MOB2: variants seen among roughly 807,000 people sequenced by gnomAD.
MOB2 encodes MOB kinase activator 2.
MOB2 carries 14 observed loss-of-function variants against 27.4 expected under a neutral mutation model. The ratio of observed to expected loss-of-function variants is 0.51; its 90% CI spans 0.34 to 0.80. The LOEUF is 0.80. Ranked by LOEUF, MOB2 falls within the 30% of genes least tolerant of loss-of-function variation. The probability of loss-of-function intolerance (pLI) is 0.01; values close to 1 mark genes in which losing one functional copy is unlikely to be tolerated. For missense variants in MOB2, 304 were observed against 354.6 expected, an observed-to-expected ratio of 0.86 and a Z score of 1.15; for synonymous variants, 167 against 151.8, an observed-to-expected ratio of 1.10 and a Z score of -0.74.
chr11:1,480,482 C>A lies in MOB2; in HGVS notation c.276G>T (p.Thr92=), dbSNP rs771718104. ...DLNEWLASNT[T]TFFHHINLQY... ...GCAGGTTGATGTGGTGGAAAAACGT[C>A]GTGGCTGGAAGAGAAGAGAAGGAGC... The change falls in exon 3 of 5, where the codon ACG becomes ACT. Residue 92 remains threonine, a synonymous_variant. Transcript: ENST00000329957. 1 of 1,613,724 alleles carries A rather than the reference C, an allele frequency of 6.2e-7. No homozygotes were observed. The highest frequency in any genetic ancestry group is 1.1e-5 in the South Asian group (1 of 91,078).
intron 1 of MOB2, among the ~76,000 whole-genome samples, chr11:1,483,920 G>A (rs968884031): frequency 1.3e-5 from 2 of 152,168 alleles, no homozygotes; most frequent in Admixed American, 6.5e-5. Flanking sequence ...TCAACACACA[G>A]GGGGTCTCAC....
intron 3 of MOB2, among the ~76,000 whole-genome samples, chr11:1,479,473 GC>G (rs1260273231): frequency 6.6e-6 from 1 of 152,200 alleles, no homozygotes. Context: ...GTCTGTACCT[GC>G]CCCGGTGTCA....
chr11:1,483,902 C>T (rs1847942025), intron 1 of MOB2, among the ~76,000 whole-genome samples: 1 of 152,204 alleles, frequency 6.6e-6, no homozygotes, highest in East Asian at 1.9e-4. Context: ...ACTTAGACAA[C>T]CACACAGTCA....
intron 3 of MOB2, among the ~76,000 whole-genome samples, chr11:1,475,641 G>A (rs1483605473): frequency 6.6e-6 from 1 of 152,150 alleles, no homozygotes; most frequent in Non-Finnish European, 1.5e-5. Context: ...GGCTGGGGTC[G>A]CATATCAGGG....
At chr11:1,477,840 A>T (rs140544703) in intron 3 of MOB2, among the ~76,000 whole-genome samples, 16 of 152,352 alleles carry the variant, frequency 1.1e-4, no homozygotes, top group African/African-American at 3.8e-4. Context: ...TGGTTATTTT[A>T]AAAATACATT....
intron 3 of MOB2, among the ~76,000 whole-genome samples, chr11:1,476,096 G>C (rs1847849932): frequency 6.6e-6 from 1 of 152,252 alleles, no homozygotes; most frequent in African/African-American, 2.4e-5. Context: ...GGCACACCTG[G>C]AGCAGGACGG....
chr11:1,484,180 C>T (rs1292837081), intron 1 of MOB2, among the ~76,000 whole-genome samples: 1 of 152,208 alleles, frequency 6.6e-6, no homozygotes, highest in African/African-American at 2.4e-5. Context: ...GAAGTCGAGC[C>T]TGTAGACCCT....
In MOB2 at chr11:1,473,960, C is replaced by T. The variant is rs182532310; in HGVS notation, c.366-2541G>A. On this transcript the variant is annotated intron_variant, in intron 3 of 4. Coordinates refer to ENST00000329957, the MANE Select transcript of MOB2 (RefSeq NM_001172223.3). ...CACGGAGGCCCCTGGGATGCAGTCA[C>T]GTGGCAGACGTGTCGGAAGTCCACG... Among the ~76,000 whole-genome samples the T allele has an allele frequency of 5.1e-4, 34 of 66,548 alleles. 1 individual carries two copies. In the South Asian group the frequency reaches 0.022, roughly 43 times the overall value. 43.7% of individuals were successfully genotyped at this position (66,548 alleles called of 152,430 possible). A position where few individuals can be genotyped will look rare whatever the true frequency, so the allele number is the denominator to read the frequency against.
At chr11:1,477,262 G>T (rs1368672698) in intron 3 of MOB2, among the ~76,000 whole-genome samples, 2 of 152,164 alleles carry the variant, frequency 1.3e-5, no homozygotes, top group Admixed American at 6.5e-5. Flanking sequence ...TTCTTCAAGA[G>T]CTGCTCCTTT....
chr11:1,477,175 G>A (rs1184131220), intron 3 of MOB2, among the ~76,000 whole-genome samples: 3 of 151,998 alleles, frequency 2.0e-5, no homozygotes, highest in African/African-American at 7.2e-5. Context: ...CGGCGATCAT[G>A]TGATTTCTAC....
At position 1,471,288 on chromosome 11, in the gene MOB2, G is replaced by A. The variant is rs768971949; in HGVS notation, c.490+7C>T. On this transcript the variant is annotated splice_region_variant and intron_variant, in intron 4 of 4. Coordinates refer to ENST00000329957, the MANE Select transcript of MOB2 (RefSeq NM_001172223.3). ...AGGATGACCGCCCAGTGCTGGGGGA[G>A]ACGAACCGTATTTTGTGGGGAACAC... 3 of 1,610,322 alleles carry A rather than the reference G, an allele frequency of 1.9e-6. No homozygotes were observed. The highest frequency in any genetic ancestry group is 2.5e-6 in the Non-Finnish European group (3 of 1,178,248).
intron 1 of MOB2, among the ~76,000 whole-genome samples, chr11:1,482,817 G>A (rs1030702950): frequency 1.3e-5 from 2 of 152,216 alleles, no homozygotes; most frequent in African/African-American, 4.8e-5. Flanking sequence ...CTCCAGGAAC[G>A]GCTGTGCGGG....
At chr11:1,473,612 A>G (rs1368951918) in intron 3 of MOB2, among the ~76,000 whole-genome samples, 1 of 152,226 alleles carries the variant, frequency 6.6e-6, no homozygotes, top group Non-Finnish European at 1.5e-5. Context: ...GAGGTTAGAG[A>G]CGGAAACCCT....
rs769324495 is a variant in MOB2, at chr11:1,470,160, G to C, written c.*12C>G. On this transcript the variant is annotated 3_prime_UTR_variant, in exon 5 of 5. Coordinates refer to ENST00000329957, the MANE Select transcript of MOB2 (RefSeq NM_001172223.3). ...TCTTTGCACACGTGTGCCCCTGTCC[G>C]GCCCGGGGGGCTCATCTCTCCTTCA... 6 of 1,582,362 alleles carry C rather than the reference G, an allele frequency of 3.8e-6. No individual in the cohort carries two copies. The highest frequency in any genetic ancestry group is 1.3e-5 in the African/African-American group (1 of 74,318).
Position 1,470,303 on chromosome 11 carries a change from T to C in MOB2, c.676A>G (p.Lys226Glu). ...AGGTCGTCCATGATGGCGGTCTCTTTGGGGTCCAGCAGGTTGAACTCCCGA... is the reference window on the plus strand; with the variant it reads ...AGGTCGTCCATGATGGCGGTCTCTTCGGGGTCCAGCAGGTTGAACTCCCGA... ...FAREFNLLDP[K>E]ETAIMDDLTE... is the part of the protein sequence containing the mutation. Residue 226 changes from lysine (K) to glutamate (E), a missense_variant, in exon 5 of 5, where the codon AAA becomes GAA. Coordinates refer to ENST00000329957, the MANE Select transcript of MOB2 (RefSeq NM_001172223.3). 2 of 1,613,376 alleles carry C rather than the reference T, an allele frequency of 1.2e-6. No homozygotes were observed. Among genetic ancestry groups the C allele is most frequent in the Non-Finnish European group, 1.7e-6 (2 of 1,179,890 alleles).
chr11:1,469,641 C>T lies in MOB2; in HGVS notation c.*531G>A, dbSNP rs1313466241. On this transcript the variant is annotated 3_prime_UTR_variant, in exon 5 of 5. Transcript: ENST00000329957. ...CAGGAAGGGGTGACAGGAGCAGGAGCAGGTGCAGGGCACCTCACACCACAG... is the reference window on the plus strand; with the variant it reads ...CAGGAAGGGGTGACAGGAGCAGGAGTAGGTGCAGGGCACCTCACACCACAG... 2.2e-6 allele frequency: 1 copy of T among 457,094 alleles called. No individual in the cohort carries two copies. Among genetic ancestry groups the T allele is most frequent in the Non-Finnish European group, 4.4e-6 (1 of 227,282 alleles). The allele number at this position is 457,094 out of a possible 1,614,324, so 28.3% of individuals were successfully genotyped here.
intron 3 of MOB2, among the ~76,000 whole-genome samples, chr11:1,479,018 C>A (rs996571453): frequency 2.0e-5 from 3 of 152,238 alleles, no homozygotes; most frequent in African/African-American, 7.2e-5. Flanking sequence ...CATCTACTAC[C>A]ACCATGATGC....
rs545434862 is a variant in MOB2, at chr11:1,473,907, C to T, written c.366-2488G>A. Among the ~76,000 whole-genome samples, 11 of 152,382 alleles carry T rather than the reference C, an allele frequency of 7.2e-5. No individual in the cohort carries two copies. In the South Asian group the frequency reaches 1.7e-3, roughly 23 times the overall value. ...GGCCGCGGGAAGGAATCGCACCGCGCGGATCCTCCCGATCTGGGCCCCTCT... is the reference window on the plus strand; with the variant it reads ...GGCCGCGGGAAGGAATCGCACCGCGTGGATCCTCCCGATCTGGGCCCCTCT... On this transcript the variant is annotated intron_variant, in intron 3 of 4. Coordinates refer to ENST00000329957, the MANE Select transcript of MOB2 (RefSeq NM_001172223.3).
At chr11:1,474,442 C>T (rs1847830991) in intron 3 of MOB2, among the ~76,000 whole-genome samples, 2 of 152,190 alleles carry the variant, frequency 1.3e-5, no homozygotes, top group South Asian at 2.1e-4. Context: ...TAAGGATTTC[C>T]TATGGTTTCT....
Sources: allele counts gnomAD v4.1 joint callset (sites outside exome capture counted in the v4.1 genomes callset), GRCh38; gene constraint gnomAD v4.1.1; transcripts MANE v1.5; gene names NCBI Gene and HGNC (gene_info 2026-07-23, HGNC 2026-07-21).